The following KIAA1217 variants were observed in gnomAD, a reference collection of about 807,000 sequenced individuals.
The protein encoded by KIAA1217 is sickle tail protein homolog.
Under a neutral mutation model 163.9 loss-of-function variants are expected in KIAA1217, and 88 were observed. The observed-to-expected ratio is 0.54, with a 90% CI of 0.45 to 0.64. KIAA1217 has a LOEUF of 0.64. KIAA1217 is among the 30% of genes least tolerant of loss of function. KIAA1217 has a pLI of 0.00. For missense variants in KIAA1217, 2,372 were observed against 2,475.0 expected (o/e 0.96, Z 0.88); for synonymous variants, 903 against 923.1 (o/e 0.98, Z 0.39).
intron 2 of KIAA1217, among the ~76,000 whole-genome samples, chr10:24,016,466 A>G (rs1455789234): frequency 6.6e-6 from 1 of 152,134 alleles, no homozygotes; most frequent in Admixed American, 6.5e-5. Context: ...CTGTACTCAG[A>G]AAAAATAGTG....
intron 2 of KIAA1217, chr10:24,239,356 T>C: frequency 1.0e-6 from 1 of 966,256 alleles, no homozygotes; most frequent in Non-Finnish European, 1.2e-6. Context: ...GCGGGGTTTT[T>C]TTCTTCCAAG....
intron 2 of KIAA1217, among the ~76,000 whole-genome samples, chr10:24,062,758 A>G (rs893435769): frequency 1.5e-4 from 23 of 151,670 alleles, no homozygotes; most frequent in East Asian, 3.9e-4. Flanking sequence ...CCCACCAACA[A>G]TGTAAAAGTG....
intron 2 of KIAA1217, among the ~76,000 whole-genome samples, chr10:24,171,752 A>C (rs530933845): frequency 1.3e-5 from 2 of 152,324 alleles, no homozygotes; most frequent in African/African-American, 2.4e-5. Flanking sequence ...GCACCATTGC[A>C]CTCCAGACTG....
intron 2 of KIAA1217, among the ~76,000 whole-genome samples, chr10:24,325,623 G>A (rs2044768308): frequency 1.3e-5 from 2 of 152,188 alleles, no homozygotes; most frequent in Admixed American, 1.3e-4. Context: ...CTAATTACAA[G>A]TGGCCGGTTG....
intron 1 of KIAA1217, among the ~76,000 whole-genome samples, chr10:23,861,822 C>A (rs1390682706): frequency 6.6e-6 from 1 of 152,146 alleles, no homozygotes; most frequent in East Asian, 1.9e-4. Flanking sequence ...TCCCCCAGAG[C>A]CTCCAGGCCA....
At chr10:24,439,723 C>A (rs560028925) in intron 5 of KIAA1217, among the ~76,000 whole-genome samples, 14 of 151,704 alleles carry the variant, frequency 9.2e-5, no homozygotes, top group African/African-American at 3.4e-4. Context: ...CCTCCATCTT[C>A]AAACCCAGCA....
At chr10:23,711,116 C>G (rs2130735145) in intron 1 of KIAA1217, among the ~76,000 whole-genome samples, 1 of 152,274 alleles carries the variant, frequency 6.6e-6, no homozygotes, top group South Asian at 2.1e-4. Context: ...TCTGGGCCAT[C>G]CCCAATACCG....
At chr10:24,178,355 TC>T (rs1464987775) in intron 2 of KIAA1217, among the ~76,000 whole-genome samples, 1 of 152,350 alleles carries the variant, frequency 6.6e-6, no homozygotes, top group East Asian at 1.9e-4. Flanking sequence ...AGGAATCCTA[TC>T]CCCATTTCAT....
At chr10:23,848,914 T>A (rs1353621562) in intron 1 of KIAA1217, among the ~76,000 whole-genome samples, 2 of 152,138 alleles carry the variant, frequency 1.3e-5, no homozygotes, top group South Asian at 2.1e-4. Context: ...TCATGGTTTG[T>A]AATTACACAT....
At chr10:24,430,896 T>C (rs1400022111) in intron 3 of KIAA1217, among the ~76,000 whole-genome samples, 1 of 152,214 alleles carries the variant, frequency 6.6e-6, no homozygotes, top group Admixed American at 6.5e-5. Context: ...GGACTGGTAC[T>C]GGTTTGTGGC....
chr10:24,120,348 C>T (rs1299995796), intron 2 of KIAA1217, among the ~76,000 whole-genome samples: 3 of 152,146 alleles, frequency 2.0e-5, no homozygotes, highest in East Asian at 1.9e-4. Flanking sequence ...CCTTGGGAGA[C>T]GGGGAGGGGA....
intron 8 of KIAA1217, among the ~76,000 whole-genome samples, chr10:24,499,324 A>G (rs1425669279): frequency 6.6e-6 from 1 of 152,252 alleles, no homozygotes; most frequent in African/African-American, 2.4e-5. Context: ...CTTTTGAACA[A>G]CAGCAGAGAT....
At chr10:24,340,617 TTCCC>T (rs2046972502) in intron 2 of KIAA1217, among the ~76,000 whole-genome samples, 1 of 152,134 alleles carries the variant, frequency 6.6e-6, no homozygotes, top group Non-Finnish European at 1.5e-5. Context: ...CCCACATCTC[TTCCC>T]TCCCTCCTCT....
chr10:24,292,886 A>G (rs1297312533), intron 2 of KIAA1217, among the ~76,000 whole-genome samples: 1 of 152,116 alleles, frequency 6.6e-6, no homozygotes. Context: ...AAAAGAAGAA[A>G]GGTGGCCTGA....
At chr10:23,817,964 TATATATATATATATA>T (rs1837389779) in intron 1 of KIAA1217, among the ~76,000 whole-genome samples, 2 of 2,414 alleles carry the variant, frequency 8.3e-4, no homozygotes, top group African/African-American at 2.0e-3. Context: ...TGGTGGCACA[TATATATATATATATA>T]TATATATATA....
chr10:24,225,161 C>T (rs1290918442), intron 2 of KIAA1217, among the ~76,000 whole-genome samples: 1 of 151,916 alleles, frequency 6.6e-6, no homozygotes, highest in Non-Finnish European at 1.5e-5. Flanking sequence ...AAGACAAGAT[C>T]TCACTCTTGT....
chr10:24,180,280 CTTTTTTTTTTTT>C (rs34268461), intron 2 of KIAA1217, among the ~76,000 whole-genome samples: 1 of 83,154 alleles, frequency 1.2e-5, no homozygotes, highest in South Asian at 4.7e-4. Context: ...CCTCAACCTT[CTTTTTTTTTTTT>C]TTTTTTTTTT....
At chr10:24,237,801 C>A (rs2072490663) in intron 2 of KIAA1217, among the ~76,000 whole-genome samples, 1 of 152,194 alleles carries the variant, frequency 6.6e-6, no homozygotes, top group African/African-American at 2.4e-5. Context: ...GAATCTCTGA[C>A]AATAGTCTTG....
At chr10:23,790,794 C>T (rs1835911374) in intron 1 of KIAA1217, among the ~76,000 whole-genome samples, 1 of 151,574 alleles carries the variant, frequency 6.6e-6, no homozygotes, top group African/African-American at 2.4e-5. Context: ...AGTCCAGTGG[C>T]ATGATCTTGA....
Sources: allele counts gnomAD v4.1 joint callset (sites outside exome capture counted in the v4.1 genomes callset), GRCh38; gene constraint gnomAD v4.1.1; transcripts MANE v1.5; gene names NCBI Gene and HGNC (gene_info 2026-07-23, HGNC 2026-07-21).